PAX5: variants seen among roughly 807,000 people sequenced by gnomAD.
The protein encoded by PAX5 is paired box 5.
Under a neutral mutation model 43.7 loss-of-function variants are expected in PAX5, and 9 were observed. The observed-to-expected ratio is 0.21, with a 90% CI of 0.12 to 0.36. PAX5 has a LOEUF of 0.36. Ranked by LOEUF, PAX5 falls within the 10% of genes least tolerant of loss-of-function variation. The pLI is 1.00. For missense variants in PAX5, 383 were observed against 532.7 expected (o/e 0.72, Z 2.77); for synonymous variants, 228 against 214.3 (o/e 1.06, Z -0.56).
intron 8 of PAX5, among the ~76,000 whole-genome samples, chr9:36,859,210 A>C (rs902153320): frequency 6.6e-6 from 1 of 152,060 alleles, no homozygotes; most frequent in Non-Finnish European, 1.5e-5. Context: ...TGAATCAGAC[A>C]CGGTCCCTGC....
chr9:37,017,602 T>C (rs971510310), intron 2 of PAX5, among the ~76,000 whole-genome samples: 1 of 152,252 alleles, frequency 6.6e-6, no homozygotes, highest in Non-Finnish European at 1.5e-5. Flanking sequence ...AACCCTGTCC[T>C]GGATACTCAA....
chr9:36,937,813 C>A (rs895299869), intron 6 of PAX5, among the ~76,000 whole-genome samples: 2 of 152,232 alleles, frequency 1.3e-5, no homozygotes, highest in Non-Finnish European at 2.9e-5. Context: ...AGCTCCTACA[C>A]CGTCAACTCA....
rs1826551743 is a variant in PAX5, at chr9:36,882,663, A to G, written c.911-558T>C. Among the ~76,000 whole-genome samples the G allele has an allele frequency of 6.6e-6, 1 of 152,228 alleles. No homozygotes were observed. On this transcript the variant is annotated intron_variant, in intron 7 of 9. Coordinates refer to ENST00000358127, the MANE Select transcript of PAX5 (RefSeq NM_016734.3). The surrounding 1 kb of genome is among the most constrained non-coding windows in gnomAD (Gnocchi z 4.4). Reference sequence around the variant, plus strand: ...AACCTTATAGTCCCATATCTGGCCTAGTACTGAATTTTTCCTCCTTTGGCC... The same window carrying G: ...AACCTTATAGTCCCATATCTGGCCTGGTACTGAATTTTTCCTCCTTTGGCC...
rs1821681213 is a variant in PAX5, at chr9:36,836,877, G to A, written c.*3683C>T. ...AGGCCTGGTCAGGGATTATGGCATG[G>A]CCTTGAATTGACTCTGATACCCTCT... On this transcript the variant is annotated 3_prime_UTR_variant, in exon 10 of 10. Transcript: ENST00000358127. 4.3e-6 allele frequency: 1 copy of A among 232,412 alleles called. No individual in the cohort carries two copies. Among genetic ancestry groups the A allele is most frequent in the Non-Finnish European group, 8.5e-6 (1 of 117,582 alleles). The allele number at this position is 232,412 out of a possible 1,614,324, so 14.4% of individuals were successfully genotyped here.
At chr9:36,899,877 C>T (rs565883279) in intron 7 of PAX5, among the ~76,000 whole-genome samples, 1 of 152,310 alleles carries the variant, frequency 6.6e-6, no homozygotes, top group African/African-American at 2.4e-5. Flanking sequence ...GCAACCATTT[C>T]GTCCTTTCTT....
chr9:37,031,333 A>G (rs1423417258), intron 1 of PAX5, among the ~76,000 whole-genome samples: 1 of 152,146 alleles, frequency 6.6e-6, no homozygotes, highest in Non-Finnish European at 1.5e-5. Flanking sequence ...ACAAATCCTG[A>G]GATGTGACTT....
intron 3 of PAX5, among the ~76,000 whole-genome samples, chr9:37,008,209 G>A (rs553883705): frequency 2.0e-5 from 3 of 152,248 alleles, no homozygotes; most frequent in East Asian, 3.9e-4. Context: ...ACAGGCGCAT[G>A]CCACTGCCTA....
At position 36,837,132 on chromosome 9, in the gene PAX5, G is replaced by A. The variant is rs1320994617; in HGVS notation, c.*3428C>T. 4.3e-6 allele frequency: 1 copy of A among 233,020 alleles called. No individual in the cohort carries two copies. The highest frequency in any genetic ancestry group is 8.5e-6 in the Non-Finnish European group (1 of 117,980). 14.4% of individuals were successfully genotyped at this position (233,020 alleles called of 1,614,324 possible). On this transcript the variant is annotated 3_prime_UTR_variant, in exon 10 of 10. Coordinates refer to ENST00000358127, the MANE Select transcript of PAX5 (RefSeq NM_016734.3). ...GTGTCTTTAAGCCATACACTCCCAT[G>A]ACAGGAGCACAACTCGGTGGAGAGA...
intron 4 of PAX5, among the ~76,000 whole-genome samples, chr9:37,003,154 T>TAAAAAAAAAAAAAAAAAA (rs67081521): frequency 5.3e-5 from 4 of 75,830 alleles, no homozygotes; most frequent in East Asian, 9.0e-4. Context: ...AGTCAGTGCT[T>TAAAAAAAAAAAAAAAAAA]AAAAAAAAAA....
At chr9:36,972,761 C>T (rs1835022795) in intron 5 of PAX5, among the ~76,000 whole-genome samples, 1 of 152,168 alleles carries the variant, frequency 6.6e-6, no homozygotes, top group Admixed American at 6.6e-5. Context: ...GGCACGGTGG[C>T]TTATGCCTAT....
intron 7 of PAX5, among the ~76,000 whole-genome samples, chr9:36,901,005 C>T (rs1258980302): frequency 6.6e-6 from 1 of 152,198 alleles, no homozygotes; most frequent in African/African-American, 2.4e-5. Flanking sequence ...CAAAATGTTT[C>T]CTCCATCCCC....
intron 5 of PAX5, among the ~76,000 whole-genome samples, chr9:36,992,084 T>C (rs1836989328): frequency 6.6e-6 from 1 of 151,880 alleles, no homozygotes; most frequent in Non-Finnish European, 1.5e-5. Context: ...AATTTCAAAG[T>C]AAAATTAAAC....
chr9:36,960,294 C>T (rs1287575871), intron 6 of PAX5, among the ~76,000 whole-genome samples: 1 of 152,206 alleles, frequency 6.6e-6, no homozygotes, highest in African/African-American at 2.4e-5. Context: ...AGAGCCTCAC[C>T]TGGGATTCAC....
intron 7 of PAX5, among the ~76,000 whole-genome samples, chr9:36,912,420 C>T (rs998804458): frequency 1.3e-5 from 2 of 152,244 alleles, no homozygotes; most frequent in African/African-American, 4.8e-5. Flanking sequence ...AGCTAGAATA[C>T]GGTGAAGTGG....
At chr9:37,025,660 A>T (rs1234003335) in intron 1 of PAX5, among the ~76,000 whole-genome samples, 1 of 152,318 alleles carries the variant, frequency 6.6e-6, no homozygotes, top group East Asian at 1.9e-4. Flanking sequence ...AGGAGCGCTC[A>T]TCTCACAGGA....
chr9:36,964,725 C>T (rs372421674), intron 6 of PAX5, among the ~76,000 whole-genome samples: 32 of 152,276 alleles, frequency 2.1e-4, no homozygotes, highest in African/African-American at 7.2e-4. Context: ...TGCCTTCTGC[C>T]GTCTCTCAGA....
At chr9:36,924,797 G>T (rs1830500659) in intron 6 of PAX5, among the ~76,000 whole-genome samples, 1 of 106,676 alleles carries the variant, frequency 9.4e-6, no homozygotes, top group Admixed American at 1.1e-4. Context: ...GAAAGGGAGG[G>T]AGGGAGGGAG....
intron 5 of PAX5, among the ~76,000 whole-genome samples, chr9:37,000,295 G>A (rs1837738489): frequency 1.3e-5 from 2 of 152,148 alleles, no homozygotes; most frequent in South Asian, 4.1e-4. Context: ...GGAGTTAGGG[G>A]GAGGCTCTGG....
At chr9:36,916,874 G>C (rs9696279) in intron 7 of PAX5, among the ~76,000 whole-genome samples, 3 of 151,784 alleles carry the variant, frequency 2.0e-5, no homozygotes, top group Non-Finnish European at 4.4e-5. Flanking sequence ...TGGTAGAGAC[G>C]GGGTTTCACC....
Sources: allele counts gnomAD v4.1 joint callset (sites outside exome capture counted in the v4.1 genomes callset), GRCh38; gene constraint gnomAD v4.1.1; non-coding constraint Gnocchi (gnomAD v3.1); transcripts MANE v1.5; gene names NCBI Gene and HGNC (gene_info 2026-07-23, HGNC 2026-07-21).